DEPDC5: variants seen among roughly 807,000 people sequenced by gnomAD.
DEPDC5 encodes GATOR1 complex protein DEPDC5.
DEPDC5 carries 73 observed loss-of-function variants against 217.3 expected under a neutral mutation model. The observed-to-expected ratio is 0.34, with a 90% CI of 0.28 to 0.41. The LOEUF is 0.41. Among genes scored for constraint, DEPDC5 ranks in the 10% least tolerant of loss-of-function variants. The pLI, the probability that DEPDC5 is intolerant of heterozygous loss-of-function variation, is 1.00. For missense variants in DEPDC5, 1,675 were observed against 2,070.1 expected (o/e 0.81, Z 3.70); for synonymous variants, 733 against 756.7 (o/e 0.97, Z 0.51).
intron 21 of DEPDC5, chr22:31,815,894 C>T (rs1266812674): frequency 1.9e-6 from 2 of 1,050,050 alleles, no homozygotes; most frequent in Non-Finnish European, 2.3e-6. Flanking sequence ...TATGCCTTTC[C>T]ATATGTTAAT....
At chr22:31,878,883 A>G (rs1308604365) in intron 37 of DEPDC5, among the ~76,000 whole-genome samples, 1 of 151,700 alleles carries the variant, frequency 6.6e-6, no homozygotes, top group Non-Finnish European at 1.5e-5. Context: ...CTAAAAATAC[A>G]AAAATTAGCC....
intron 2 of DEPDC5, among the ~76,000 whole-genome samples, chr22:31,757,794 C>T (rs1046668309): frequency 2.0e-5 from 3 of 152,068 alleles, no homozygotes; most frequent in Non-Finnish European, 2.9e-5. Flanking sequence ...GATGCAGTCT[C>T]TTTCTGTCAC....
At chr22:31,901,284 G>A (rs1348179338) in intron 40 of DEPDC5, among the ~76,000 whole-genome samples, 1 of 151,812 alleles carries the variant, frequency 6.6e-6, no homozygotes, top group Non-Finnish European at 1.5e-5. Flanking sequence ...AGTGGTGCAT[G>A]TCTGTGGTCC....
At chr22:31,866,251 T>C (rs987623713) in intron 33 of DEPDC5, among the ~76,000 whole-genome samples, 2 of 152,274 alleles carry the variant, frequency 1.3e-5, no homozygotes, top group Admixed American at 6.5e-5. Flanking sequence ...TGGTTTTTTT[T>C]TAATCAAACG....
chr22:31,770,627 C>T (rs542562517), intron 7 of DEPDC5, among the ~76,000 whole-genome samples: 147 of 149,646 alleles, frequency 9.8e-4, no homozygotes, highest in African/African-American at 3.5e-3. Flanking sequence ...CTCCTGACCT[C>T]GTGATCTGCC....
chr22:31,876,241 GT>G lies in DEPDC5; in HGVS notation c.3782del (p.Val1261GlufsTer84). The G allele has an allele frequency of 6.2e-7, 1 of 1,613,866 alleles. No individual in the cohort carries two copies. On this transcript the variant is annotated frameshift_variant, in exon 37 of 43. Coordinates refer to ENST00000651528, the MANE Select transcript of DEPDC5 (RefSeq NM_001242896.3). LOFTEE classifies it high-confidence loss of function. ...FIYGFYFYKIVTDKEPDRVAM... is the reference protein window; with the variant it reads ...FIYGFYFYKIXTDKEPDRVAM... The stretch of plus-strand genomic sequence containing the variant: ...CTACGGCTTCTATTTCTACAAGATA[GT>G]AACGGACAAAGAGCCCGACCGAGGT...
At chr22:31,812,890 G>C (rs1013266941) in intron 20 of DEPDC5, among the ~76,000 whole-genome samples, 6 of 151,644 alleles carry the variant, frequency 4.0e-5, no homozygotes, top group African/African-American at 1.5e-4. Flanking sequence ...ACAAACATGC[G>C]CCTCCACGCC....
chr22:31,896,933 G>A (rs1333291118), intron 39 of DEPDC5, among the ~76,000 whole-genome samples: 1 of 152,128 alleles, frequency 6.6e-6, no homozygotes, highest in Non-Finnish European at 1.5e-5. Flanking sequence ...TACTGGCCAA[G>A]TGGCAAAACC....
At chr22:31,824,473 A>G (rs1316196103) in intron 24 of DEPDC5, among the ~76,000 whole-genome samples, 1 of 152,206 alleles carries the variant, frequency 6.6e-6, no homozygotes, top group Non-Finnish European at 1.5e-5. Context: ...AAGGCTAGGA[A>G]TCTGGGTTGG....
At chr22:31,807,617 G>A (rs2087711785) in intron 18 of DEPDC5, among the ~76,000 whole-genome samples, 1 of 152,110 alleles carries the variant, frequency 6.6e-6, no homozygotes, top group Admixed American at 6.6e-5. Context: ...ATTTTTAGTG[G>A]AGACAGGGTT....
intron 38 of DEPDC5, chr22:31,891,196 C>T: frequency 1.7e-6 from 1 of 589,644 alleles, no homozygotes; most frequent in South Asian, 1.5e-5. Flanking sequence ...AGGGCTCTGC[C>T]TTTTGGAGTG....
chr22:31,852,704 C>T (rs931884898), intron 31 of DEPDC5, among the ~76,000 whole-genome samples: 2 of 152,032 alleles, frequency 1.3e-5, no homozygotes, highest in Admixed American at 6.6e-5. Flanking sequence ...TCAGAATGTA[C>T]CTCGGAAAGA....
intron 29 of DEPDC5, among the ~76,000 whole-genome samples, chr22:31,844,090 GT>G (rs1456297399): frequency 6.6e-6 from 1 of 152,116 alleles, no homozygotes; most frequent in Non-Finnish European, 1.5e-5. Flanking sequence ...GCTGGGTGTG[GT>G]GGTGCGTGCC....
intron 38 of DEPDC5, among the ~76,000 whole-genome samples, chr22:31,890,088 C>T (rs1486463456): frequency 6.6e-6 from 1 of 152,046 alleles, no homozygotes; most frequent in East Asian, 1.9e-4. Context: ...AGTTAGGTGG[C>T]TGGGTAAGGC....
intron 33 of DEPDC5, among the ~76,000 whole-genome samples, chr22:31,864,111 C>CTTTTTT (rs71783325): frequency 1.4e-5 from 2 of 141,432 alleles, no homozygotes; most frequent in Non-Finnish European, 3.1e-5. Flanking sequence ...TGGATGCTTT[C>CTTTTTT]TTTTTTTTTT....
Position 31,874,259 on chromosome 22 carries a change from G to A in DEPDC5, c.3564-14G>A, listed in dbSNP as rs753788636. 1.6e-5 allele frequency: 25 copies of A among 1,600,514 alleles called. No individual in the cohort carries two copies. The highest frequency in any genetic ancestry group is 2.3e-5 in the East Asian group (1 of 44,198). ...ACACATCCCCTGCTCCCCGTTCACC[G>A]TGTTGGAACCCAGGACAGGAGTCCA... On this transcript the variant is annotated splice_polypyrimidine_tract_variant and intron_variant, in intron 35 of 42. Coordinates refer to ENST00000651528, the MANE Select transcript of DEPDC5 (RefSeq NM_001242896.3).
chr22:31,835,116 G>A (rs1302538813), intron 25 of DEPDC5, among the ~76,000 whole-genome samples: 2 of 152,204 alleles, frequency 1.3e-5, no homozygotes, highest in Non-Finnish European at 2.9e-5. Flanking sequence ...AATATAGTGA[G>A]ACCCTGTCTC....
chr22:31,869,766 G>C (rs551608707), intron 33 of DEPDC5, among the ~76,000 whole-genome samples: 3 of 152,116 alleles, frequency 2.0e-5, no homozygotes, highest in Non-Finnish European at 4.4e-5. Context: ...GTGATGTCCT[G>C]TGAGTCGGTT....
chr22:31,822,974 T>C, intron 24 of DEPDC5, 184 bp downstream of exon 24: 1 of 578,694 alleles, frequency 1.7e-6, no homozygotes, highest in Non-Finnish European at 3.1e-6. Flanking sequence ...CACGTTAACA[T>C]TTTTAGCTCA....
Sources: allele counts gnomAD v4.1 joint callset (sites outside exome capture counted in the v4.1 genomes callset), GRCh38; gene constraint gnomAD v4.1.1; transcripts MANE v1.5; gene names NCBI Gene and HGNC (gene_info 2026-07-23, HGNC 2026-07-21).